PLOD3: variants seen among roughly 807,000 people sequenced by gnomAD.
PLOD3 encodes the protein procollagen-lysine,2-oxoglutarate 5-dioxygenase 3, also known as multifunctional procollagen lysine hydroxylase and glycosyltransferase LH3.
In PLOD3, 73 loss-of-function variants were observed where a neutral mutation model predicts 96.9. That is an observed-to-expected ratio of 0.75 (90% CI 0.62 to 0.92). The LOEUF (loss-of-function observed/expected upper bound fraction) is 0.92. PLOD3 is among the 40% of genes least tolerant of loss of function. The probability of loss-of-function intolerance (pLI) is 0.00; values close to 1 mark genes in which losing one functional copy is unlikely to be tolerated. For synonymous variants in PLOD3, 454 were observed against 413.7 expected, an observed-to-expected ratio of 1.10 and a Z score of -1.18; for missense variants, 1,004 against 1,004.3, an observed-to-expected ratio of 1.00 and a Z score of 0.00.
At chr7:101,209,293 A>G (rs2116798057) in intron 15 of PLOD3, among the ~76,000 whole-genome samples, 1 of 151,256 alleles carries the variant, frequency 6.6e-6, no homozygotes, top group Non-Finnish European at 1.5e-5. Context: ...TACAGCCTCG[A>G]CCTTCTGGGC....
At chr7:101,210,198 C>A (rs774440403) in intron 14 of PLOD3, 37 bp from the exon 15 acceptor site, 11 of 1,539,662 alleles carry the variant, frequency 7.1e-6, no homozygotes, top group Middle Eastern at 3.4e-4. Context: ...ATCTGTGCCC[C>A]CCTCGCTCCC....
At position 101,210,674 on chromosome 7, in the gene PLOD3, C is replaced by A. The variant is rs753360539; in HGVS notation, c.1359-1G>T. On this transcript the variant is annotated splice_acceptor_variant, in intron 12 of 18. Coordinates refer to ENST00000223127, the MANE Select transcript of PLOD3 (RefSeq NM_001084.5). LOFTEE classifies it high-confidence loss of function. ...GATGTATGGTACATTCCACACACCC[C>A]TGGAGGCACCGACACCGCGGTCAGC... 11 of 1,613,702 alleles carry A rather than the reference C, an allele frequency of 6.8e-6. No individual in the cohort carries two copies. Among genetic ancestry groups the A allele is most frequent in the Non-Finnish European group, 9.3e-6 (11 of 1,179,838 alleles).
At chr7:101,210,283 G>T in intron 14 of PLOD3, 48 bp downstream of exon 14, 2 of 1,550,324 alleles carry the variant, frequency 1.3e-6, no homozygotes, top group Non-Finnish European at 8.9e-7. Context: ...GTCTTCCTTA[G>T]CACAAGGCGG....
At chr7:101,217,024 C>T (rs1013901050) in intron 1 of PLOD3, 142 bp downstream of exon 1, 58 of 978,888 alleles carry the variant, frequency 5.9e-5, no homozygotes, top group Non-Finnish European at 8.1e-5. Flanking sequence ...GGGCGAGGGG[C>T]TTGGCGCGAC....
intron 7 of PLOD3, 60 bp downstream of exon 7, chr7:101,213,047 G>A (rs1798211852): frequency 1.5e-6 from 2 of 1,368,870 alleles, no homozygotes; most frequent in Non-Finnish European, 2.1e-6. Flanking sequence ...TTCTCAGAAG[G>A]GTTGGAGGTG....
At position 101,206,183 on chromosome 7, in the gene PLOD3, TG is replaced by T; in HGVS notation, c.*97del. The T allele has an allele frequency of 8.4e-7, 1 of 1,190,430 alleles. No homozygotes were observed. The highest frequency in any genetic ancestry group is 1.3e-6 in the Non-Finnish European group (1 of 794,986). The allele number at this position is 1,190,430 out of a possible 1,614,324, so 73.7% of individuals were successfully genotyped here. On this transcript the variant is annotated 3_prime_UTR_variant, in exon 19 of 19. Coordinates refer to ENST00000223127, the MANE Select transcript of PLOD3 (RefSeq NM_001084.5). ...GCACGCGGAACATGAACTCAGGAAG[TG>T]GGGAGACAGAGAGACCCATCCCCCA...
In PLOD3 at chr7:101,211,510, A is replaced by G. The variant is rs1158891999; in HGVS notation, c.1358+81T>C. 1.8e-5 allele frequency: 27 copies of G among 1,469,598 alleles called. No individual in the cohort carries two copies. In the Admixed American group the frequency reaches 5.2e-4, roughly 28 times the overall value. 91.0% of individuals were successfully genotyped at this position (1,469,598 alleles called of 1,614,324 possible). A position where few individuals can be genotyped will look rare whatever the true frequency, so the allele number is the denominator to read the frequency against. Reference sequence around the variant, plus strand: ...GGCACCTCTGACTGGTGACCACTCCAAACCCCTGAGAGTAGGGGGCTTGGG... The same window carrying G: ...GGCACCTCTGACTGGTGACCACTCCGAACCCCTGAGAGTAGGGGGCTTGGG... On this transcript the variant is annotated intron_variant, in intron 12 of 18. Coordinates refer to ENST00000223127, the MANE Select transcript of PLOD3 (RefSeq NM_001084.5).
At chr7:101,214,098 G>A (rs11525850) in intron 6 of PLOD3, among the ~76,000 whole-genome samples, 12,990 of 150,952 alleles carry the variant, frequency 0.086, 568 homozygotes, top group South Asian at 0.14. Flanking sequence ...CTTCCAAAGT[G>A]CTGGGATTAC....
intron 12 of PLOD3, chr7:101,211,334 C>T (rs1325282408): frequency 2.0e-5 from 9 of 460,614 alleles, no homozygotes; most frequent in Admixed American, 3.5e-5. Context: ...CACGCACCAC[C>T]GTGCCCAGCT....
chr7:101,206,163 C>CA lies in PLOD3; in HGVS notation c.*117_*118insT, dbSNP rs1798078288. 1 of 1,073,750 alleles carries CA rather than the reference C, an allele frequency of 9.3e-7. No homozygotes were observed. Among genetic ancestry groups the CA allele is most frequent in the Non-Finnish European group, 1.4e-6 (1 of 690,592 alleles). The allele number at this position is 1,073,750 out of a possible 1,614,324, so 66.5% of individuals were successfully genotyped here. A position where few individuals can be genotyped will look rare whatever the true frequency, so the allele number is the denominator to read the frequency against. On this transcript the variant is annotated 3_prime_UTR_variant, in exon 19 of 19. Transcript: ENST00000223127. ...AGGTGACATATTCAGTTCAGGCACG[C>CA]GGAACATGAACTCAGGAAGTGGGGA... is the stretch of plus-strand genomic sequence containing the variant.
chr7:101,210,231 C>T, intron 14 of PLOD3, 70 bp from the exon 15 acceptor site: 3 of 1,479,740 alleles, frequency 2.0e-6, no homozygotes, highest in Non-Finnish European at 2.8e-6. Flanking sequence ...ACCGCCCCCT[C>T]CCACTCAGTG....
chr7:101,210,144 G>C lies in PLOD3; in HGVS notation c.1632C>G (p.Tyr544Ter). 6.2e-7 allele frequency: 1 copy of C among 1,608,096 alleles called. No homozygotes were observed. Among genetic ancestry groups the C allele is most frequent in the African/African-American group, 1.3e-5 (1 of 75,012 alleles). Reference sequence around the variant, plus strand: ...GGGCCCGGCTGTAGTTCTCGTGGATGTACTGCTCCTTCCAGTCCTGTGAGA... The same window carrying C: ...GGGCCCGGCTGTAGTTCTCGTGGATCTACTGCTCCTTCCAGTCCTGTGAGA... ...FDNPVDWKEQ[Y>*]IHENYSRALE... The change falls in exon 15 of 19, where the codon TAC becomes TAG. Residue 544 changes from tyrosine to a stop codon, truncating the protein, a stop_gained. Coordinates refer to ENST00000223127, the MANE Select transcript of PLOD3 (RefSeq NM_001084.5). LOFTEE classifies it high-confidence loss of function.
In PLOD3 at chr7:101,216,157, A is replaced by G; in HGVS notation, c.502+6T>C. On this transcript the variant is annotated splice_donor_region_variant and intron_variant, in intron 4 of 18. Transcript: ENST00000223127. The stretch of plus-strand genomic sequence containing the variant: ...GCCCCTCTGCCTTGGGCACTCTGCC[A>G]CTCACCACCAGAATTGAGGAAGCGC... 1.2e-6 allele frequency: 2 copies of G among 1,613,794 alleles called. No individual in the cohort carries two copies. The highest frequency in any genetic ancestry group is 1.7e-6 in the Non-Finnish European group (2 of 1,179,958).
chr7:101,216,278 G>A lies in PLOD3; in HGVS notation c.387C>T (p.Phe129=), dbSNP rs773824188. 11 of 1,613,544 alleles carry A rather than the reference G, an allele frequency of 6.8e-6. No homozygotes were observed. Among genetic ancestry groups the A allele is most frequent in the Admixed American group, 5.0e-5 (3 of 60,022 alleles). ...AGSPTELLKK[F]VQSGSRLLFS... ...AGAGCAGGCGGCTGCCACTCTGGACGAACTTCTTCAGCAGCTCTGTGGGGC... is the reference window on the plus strand; with the variant it reads ...AGAGCAGGCGGCTGCCACTCTGGACAAACTTCTTCAGCAGCTCTGTGGGGC... Residue 129 remains phenylalanine, a synonymous_variant, in exon 4 of 19, where the codon TTC becomes TTT. Transcript: ENST00000223127.
intron 6 of PLOD3, among the ~76,000 whole-genome samples, chr7:101,213,983 G>A (rs1227495194): frequency 6.6e-6 from 1 of 152,030 alleles, no homozygotes; most frequent in African/African-American, 2.4e-5. Context: ...ACAAGCATGA[G>A]CCACCACACC....
intron 17 of PLOD3, 49 bp downstream of exon 17, chr7:101,207,529 G>C (rs1181602309): frequency 6.3e-7 from 1 of 1,597,890 alleles, no homozygotes; most frequent in African/African-American, 1.3e-5. Context: ...TTCCTGTCCG[G>C]GACTGGGGTG....
chr7:101,214,680 A>G (rs888483696), intron 6 of PLOD3, among the ~76,000 whole-genome samples: 1 of 151,908 alleles, frequency 6.6e-6, no homozygotes, highest in Non-Finnish European at 1.5e-5. Flanking sequence ...TCTACTAAAA[A>G]TACAAAATGA....
rs766893875 is a variant in PLOD3, at chr7:101,215,158, T to C, written c.616-6A>G. 6 of 1,595,372 alleles carry C rather than the reference T, an allele frequency of 3.8e-6. No homozygotes were observed. The highest frequency in any genetic ancestry group is 5.2e-6 in the Non-Finnish European group (6 of 1,162,844). On this transcript the variant is annotated splice_region_variant and splice_polypyrimidine_tract_variant and intron_variant, in intron 5 of 18. Transcript: ENST00000223127. ...AGATTAAGGCTGAGTTTCTCCTAAA[T>C]GGAATGAGATGCGATGGAGTGGTTA...
Position 101,207,657 on chromosome 7 carries a change from T to C in PLOD3, c.1856A>G (p.Tyr619Cys). 1.2e-6 allele frequency: 2 copies of C among 1,613,856 alleles called. No homozygotes were observed. Among genetic ancestry groups the C allele is most frequent in the Non-Finnish European group, 1.7e-6 (2 of 1,179,890 alleles). The change falls in exon 17 of 19, where the codon TAC (tyrosine) becomes TGC (cysteine). Residue 619 changes from tyrosine (Y) to cysteine (C), a missense_variant. Around this residue, in one of 5 missense-constraint regions of PLOD3, gnomAD observed 222 missense variants for 220.4 expected, o/e 1.01. Transcript: ENST00000223127. ...TVDIHMKQVG[Y>C]EDQWLQLLRT... is the part of the protein sequence containing the mutation. Reference sequence around the variant, plus strand: ...CAGCAGCTGCAGCCACTGGTCCTCGTACCCCACCTGCTTCATGTGGATGTC... The same window carrying C: ...CAGCAGCTGCAGCCACTGGTCCTCGCACCCCACCTGCTTCATGTGGATGTC...
Sources: allele counts gnomAD v4.1 joint callset (sites outside exome capture counted in the v4.1 genomes callset), GRCh38; gene constraint gnomAD v4.1.1; regional missense constraint gnomAD v4.1.1; transcripts MANE v1.5; gene names NCBI Gene and HGNC (gene_info 2026-07-23, HGNC 2026-07-21).